The following SPOCK1 variants were observed in gnomAD, a reference collection of about 807,000 sequenced individuals.
The protein encoded by SPOCK1 is SPARC (osteonectin), cwcv and kazal like domains proteoglycan 1.
In SPOCK1, 23 loss-of-function variants were observed where a neutral mutation model predicts 55.3. That is an observed-to-expected ratio of 0.42 (90% CI 0.30 to 0.59). The LOEUF is 0.59. Among genes scored for constraint, SPOCK1 ranks in the 20% least tolerant of loss-of-function variants. The pLI, the probability that SPOCK1 is intolerant of heterozygous loss-of-function variation, is 0.22. For missense variants in SPOCK1, 499 were observed against 552.5 expected (o/e 0.90, Z 0.97); for synonymous variants, 226 against 221.0 (o/e 1.02, Z -0.20).
chr5:137,190,078 T>C (rs1390772405), intron 3 of SPOCK1, among the ~76,000 whole-genome samples: 1 of 151,298 alleles, frequency 6.6e-6, no homozygotes, highest in East Asian at 1.9e-4. Flanking sequence ...AGAAAGTGGT[T>C]TATTGAGATG....
chr5:137,394,064 G>A (rs946091469), intron 2 of SPOCK1, among the ~76,000 whole-genome samples: 5 of 152,154 alleles, frequency 3.3e-5, no homozygotes, highest in African/African-American at 1.2e-4. Flanking sequence ...TCCAGGCAGA[G>A]GCTTTCTCAG....
chr5:137,332,046 A>G (rs1758195214), intron 2 of SPOCK1, among the ~76,000 whole-genome samples: 1 of 151,780 alleles, frequency 6.6e-6, no homozygotes, highest in African/African-American at 2.4e-5. Context: ...AGTGATAGAA[A>G]CTCCTCAGCA....
At chr5:137,006,221 G>T (rs929562561) in intron 6 of SPOCK1, among the ~76,000 whole-genome samples, 2 of 152,146 alleles carry the variant, frequency 1.3e-5, no homozygotes, top group African/African-American at 4.8e-5. Flanking sequence ...ATTTAAAGTA[G>T]TTTTTTCTAA....
chr5:137,472,771 G>A (rs1753761588), intron 2 of SPOCK1, among the ~76,000 whole-genome samples: 2 of 152,108 alleles, frequency 1.3e-5, no homozygotes, highest in African/African-American at 4.8e-5. Context: ...TGGAATATAC[G>A]CAACTTTCAA....
intron 4 of SPOCK1, among the ~76,000 whole-genome samples, chr5:137,140,234 C>T (rs1008369708): frequency 2.0e-5 from 3 of 152,174 alleles, no homozygotes; most frequent in African/African-American, 7.2e-5. Flanking sequence ...AAACACTTGG[C>T]CCCTGCTTTC....
chr5:137,083,009 C>G (rs945320510), intron 5 of SPOCK1, among the ~76,000 whole-genome samples: 6 of 152,172 alleles, frequency 3.9e-5, no homozygotes, highest in African/African-American at 1.4e-4. Context: ...GTGTTTCATA[C>G]AGCTAAGTGG....
chr5:137,221,855 C>T (rs1560928), intron 3 of SPOCK1, among the ~76,000 whole-genome samples: 59,968 of 152,056 alleles, frequency 0.39, 12,911 homozygotes, highest in Non-Finnish European at 0.47. Flanking sequence ...ACTTCTCCTT[C>T]TGGGAATGTA....
At chr5:137,295,171 G>T (rs539504258) in intron 2 of SPOCK1, among the ~76,000 whole-genome samples, 63 of 152,280 alleles carry the variant, frequency 4.1e-4, no homozygotes, top group Middle Eastern at 3.4e-3. Context: ...TACAACCAAA[G>T]TTCACCTGCA....
At chr5:137,358,455 A>AAGGGGAGGGGAGGGG in intron 2 of SPOCK1, among the ~76,000 whole-genome samples, 1 of 67,386 alleles carries the variant, frequency 1.5e-5, no homozygotes, top group Non-Finnish European at 3.0e-5. Flanking sequence ...GGAGGGAGGG[A>AAGGGGAGGGGAGGGG]AGGGGAGGGG....
chr5:137,302,873 A>G (rs1316747827), intron 2 of SPOCK1, among the ~76,000 whole-genome samples: 1 of 152,124 alleles, frequency 6.6e-6, no homozygotes, highest in Non-Finnish European at 1.5e-5. Flanking sequence ...TGTTCCATTC[A>G]TTTCCACAAT....
chr5:137,211,643 G>T (rs1422033116), intron 3 of SPOCK1, among the ~76,000 whole-genome samples: 1 of 152,162 alleles, frequency 6.6e-6, no homozygotes, highest in East Asian at 1.9e-4. Context: ...CTGGTCACCA[G>T]AAAGACCAAG....
chr5:137,315,588 G>A (rs879526480), intron 2 of SPOCK1, among the ~76,000 whole-genome samples: 17 of 152,264 alleles, frequency 1.1e-4, no homozygotes, highest in Admixed American at 1.1e-3. Flanking sequence ...CACATCGAGT[G>A]GCCTCCTGCT....
At chr5:137,395,709 A>G (rs1330576679) in intron 2 of SPOCK1, among the ~76,000 whole-genome samples, 6 of 152,220 alleles carry the variant, frequency 3.9e-5, no homozygotes, top group Non-Finnish European at 7.3e-5. Flanking sequence ...TGTTCCTGCA[A>G]TGCAGCTTGG....
At chr5:137,332,937 G>A (rs1295174797) in intron 2 of SPOCK1, among the ~76,000 whole-genome samples, 1 of 152,192 alleles carries the variant, frequency 6.6e-6, no homozygotes, top group Non-Finnish European at 1.5e-5. Context: ...AGGTTACCCA[G>A]GGAAAATGGA....
At chr5:137,245,490 T>C (rs1019206107) in intron 3 of SPOCK1, among the ~76,000 whole-genome samples, 5 of 152,180 alleles carry the variant, frequency 3.3e-5, no homozygotes, top group Admixed American at 6.5e-5. Context: ...GAGGAGGGAA[T>C]TCATTAAATA....
intron 3 of SPOCK1, among the ~76,000 whole-genome samples, chr5:137,223,359 G>C (rs781769431): frequency 2.6e-5 from 4 of 151,746 alleles, no homozygotes; most frequent in Non-Finnish European, 5.9e-5. Context: ...GTGTAGCTAT[G>C]GGGGATTGTC....
chr5:136,981,936 T>G (rs1247600502), intron 9 of SPOCK1, among the ~76,000 whole-genome samples: 2 of 152,246 alleles, frequency 1.3e-5, no homozygotes, highest in African/African-American at 4.8e-5. Flanking sequence ...AGACTGTATA[T>G]GTGACAATGG....
intron 2 of SPOCK1, among the ~76,000 whole-genome samples, chr5:137,284,589 G>T (rs1437594907): frequency 6.6e-6 from 1 of 152,216 alleles, no homozygotes; most frequent in Admixed American, 6.5e-5. Context: ...GTAAGGTCAG[G>T]AGAAAGCCAG....
At chr5:137,092,489 T>A (rs1328850355) in intron 5 of SPOCK1, among the ~76,000 whole-genome samples, 3 of 152,210 alleles carry the variant, frequency 2.0e-5, no homozygotes, top group African/African-American at 7.2e-5. Context: ...ACTCTGTCAT[T>A]ACCTCCTCAA....
Sources: allele counts gnomAD v4.1 joint callset (sites outside exome capture counted in the v4.1 genomes callset), GRCh38; gene constraint gnomAD v4.1.1; transcripts MANE v1.5; gene names NCBI Gene and HGNC (gene_info 2026-07-23, HGNC 2026-07-21).